SCAI: variants seen among roughly 807,000 people sequenced by gnomAD.
The protein encoded by SCAI is suppressor of cancer cell invasion.
Under a neutral mutation model 92.2 loss-of-function variants are expected in SCAI, and 24 were observed. The ratio of observed to expected loss-of-function variants is 0.26; its 90% CI spans 0.19 to 0.37. The LOEUF (loss-of-function observed/expected upper bound fraction) is 0.37, where lower values mean the gene tolerates loss of function less well. SCAI is among the 10% of genes least tolerant of loss of function. SCAI has a pLI of 1.00. For synonymous variants in SCAI, 261 were observed against 258.6 expected (o/e 1.01, Z -0.09); for missense variants, 450 against 736.2 (o/e 0.61, Z 4.50).
At chr9:125,118,792 C>T (rs183420186) in intron 2 of SCAI, among the ~76,000 whole-genome samples, 2 of 152,260 alleles carry the variant, frequency 1.3e-5, no homozygotes, top group Admixed American at 1.3e-4. Flanking sequence ...TGAGTGAGAA[C>T]ATGCAGTGTT....
At chr9:125,068,510 AACAACAAAAAAAT>A (rs1833915055) in intron 2 of SCAI, among the ~76,000 whole-genome samples, 1 of 151,388 alleles carries the variant, frequency 6.6e-6, no homozygotes, top group Non-Finnish European at 1.5e-5. Flanking sequence ...AAACAACAAC[AACAACAAAAAAAT>A]ACAACAAAAA....
chr9:124,999,525 A>G lies in SCAI; in HGVS notation c.1244+366T>C, dbSNP rs546363166. 2.6e-5 allele frequency among the ~76,000 whole-genome samples: 4 copies of G among 152,320 alleles called. 1 individual carries two copies. In the South Asian group the frequency reaches 8.3e-4, roughly 32 times the overall value. ...GAGTGACAGAGGAAGACTCCATCTCAAGAAAAAAATTTGTTTAAAAGTTCG... is the reference window on the plus strand; with the variant it reads ...GAGTGACAGAGGAAGACTCCATCTCGAGAAAAAAATTTGTTTAAAAGTTCG... On this transcript the variant is annotated intron_variant, in intron 13 of 17. Transcript: ENST00000336505.
chr9:125,137,443 T>C (rs1349458722), intron 2 of SCAI, among the ~76,000 whole-genome samples: 1 of 152,178 alleles, frequency 6.6e-6, no homozygotes, highest in Non-Finnish European at 1.5e-5. Context: ...GGATAAACAG[T>C]GAACAAAACA....
chr9:125,053,428 A>G (rs1329987144), intron 3 of SCAI, among the ~76,000 whole-genome samples: 3 of 152,228 alleles, frequency 2.0e-5, no homozygotes, highest in African/African-American at 7.2e-5. Flanking sequence ...AATGTCTATC[A>G]ACTGATGACT....
intron 2 of SCAI, among the ~76,000 whole-genome samples, chr9:125,135,551 G>A (rs1835503500): frequency 6.6e-6 from 1 of 152,198 alleles, no homozygotes; most frequent in Admixed American, 6.5e-5. Flanking sequence ...TATTCAGGAG[G>A]CAGAGGCACA....
rs1467392212 is a variant in SCAI, at chr9:125,008,167, CAG to C, written c.862-4599_862-4598del. 2.6e-5 allele frequency among the ~76,000 whole-genome samples: 4 copies of C among 151,570 alleles called. 1 individual carries two copies. The highest frequency in any genetic ancestry group is 4.2e-4 in the South Asian group (2 of 4,786). ...GCCCTTTATTTTTTTCTTTTTGAGA[CAG>C]AGTCTCACTCTGTCACCCAGGCTGG... On this transcript the variant is annotated intron_variant, in intron 9 of 17. Coordinates refer to ENST00000336505, the MANE Select transcript of SCAI (RefSeq NM_001144877.3).
chr9:124,995,005 C>T lies in SCAI; in HGVS notation c.1255G>A (p.Gly419Arg), dbSNP rs778213347. The part of the protein sequence containing the change: ...SHKEMHCLHP[G>R]DLYPFTRKPL... Reference sequence around the variant, plus strand: ...TTCCTGGTGAAAGGATAGAGATCCCCGGGATGAAGGCTGGGAAAACAACAA... The same window carrying T: ...TTCCTGGTGAAAGGATAGAGATCCCTGGGATGAAGGCTGGGAAAACAACAA... The change falls in exon 14 of 18, where the codon GGG becomes AGG. Residue 419 changes from glycine (G) to arginine (R), a missense_variant. Around this residue, in one of 3 missense-constraint regions of SCAI, gnomAD observed 360 missense variants for 601.8 expected, o/e 0.60. Coordinates refer to ENST00000336505, the MANE Select transcript of SCAI (RefSeq NM_001144877.3). 6.2e-6 allele frequency: 10 copies of T among 1,610,214 alleles called. No individual in the cohort carries two copies. The highest frequency in any genetic ancestry group is 2.7e-5 in the African/African-American group (2 of 74,854).
At chr9:125,143,331 C>G in intron 1 of SCAI, 54 bp downstream of exon 1, 1 of 1,130,572 alleles carries the variant, frequency 8.8e-7, no homozygotes, top group Non-Finnish European at 1.1e-6. Context: ...CCCCTGGGCC[C>G]GCTCCCTGGC....
At chr9:125,142,777 G>T in intron 1 of SCAI, 100 bp from the exon 2 acceptor site, 1 of 993,936 alleles carries the variant, frequency 1.0e-6, no homozygotes, top group Non-Finnish European at 1.6e-6. Context: ...CCACCCTCTG[G>T]GACCACAGGC....
rs923078112 is a variant in SCAI, at chr9:125,012,709, A to C, written c.861+6090T>G. Among the ~76,000 whole-genome samples, 11 of 152,312 alleles carry C rather than the reference A, an allele frequency of 7.2e-5. 1 individual carries two copies. The highest frequency in any genetic ancestry group is 2.6e-4 in the African/African-American group (11 of 41,558). ...AGACATCTACAGAACTCTCCACCCC[A>C]AATCAACTGAATATACATTTTTTTC... On this transcript the variant is annotated intron_variant, in intron 9 of 17. Transcript: ENST00000336505.
At chr9:124,997,885 A>T (rs1242899912) in intron 13 of SCAI, among the ~76,000 whole-genome samples, 2 of 151,788 alleles carry the variant, frequency 1.3e-5, no homozygotes, top group Non-Finnish European at 2.9e-5. Flanking sequence ...CAAAAAAAAA[A>T]AAAAAAGAAA....
intron 9 of SCAI, among the ~76,000 whole-genome samples, chr9:125,007,492 C>T (rs1257928703): frequency 6.6e-6 from 1 of 152,042 alleles, no homozygotes; most frequent in South Asian, 2.1e-4. Context: ...AGTTTGAGAC[C>T]AGCCTTGGCA....
intron 3 of SCAI, among the ~76,000 whole-genome samples, chr9:125,051,473 C>T (rs187023960): frequency 7.2e-5 from 11 of 152,184 alleles, no homozygotes; most frequent in South Asian, 2.1e-4. Flanking sequence ...TAGAAAGATA[C>T]GACTCTATAC....
At chr9:125,069,037 G>A (rs1464719812) in intron 2 of SCAI, among the ~76,000 whole-genome samples, 18 of 151,840 alleles carry the variant, frequency 1.2e-4, no homozygotes, top group Non-Finnish European at 1.5e-5. Context: ...TCAACATGGT[G>A]AAACTCCTGT....
At chr9:124,999,803 G>T (rs1022121949) in intron 13 of SCAI, 88 bp downstream of exon 13, 2 of 704,016 alleles carry the variant, frequency 2.8e-6, no homozygotes, top group East Asian at 6.2e-5. Context: ...TCTAGTACTA[G>T]AAAAAACTCC....
chr9:125,103,874 T>C (rs931490442), intron 2 of SCAI, among the ~76,000 whole-genome samples: 1 of 152,216 alleles, frequency 6.6e-6, no homozygotes, highest in African/African-American at 2.4e-5. Flanking sequence ...AGGAAGTTAG[T>C]GTTATATAAT....
intron 2 of SCAI, 192 bp downstream of exon 2, chr9:125,142,441 G>GA (rs951008338): frequency 6.5e-3 from 2,764 of 421,986 alleles, no homozygotes; most frequent in South Asian, 9.2e-3. Flanking sequence ...TAGATACCAA[G>GA]AAAAAAAAAA....
intron 2 of SCAI, among the ~76,000 whole-genome samples, chr9:125,121,517 T>A (rs966411212): frequency 2.0e-5 from 3 of 151,988 alleles, no homozygotes; most frequent in African/African-American, 7.3e-5. Context: ...TTTAATCTAG[T>A]GGTTTCCAAC....
At chr9:125,071,808 G>A (rs1447502927) in intron 2 of SCAI, among the ~76,000 whole-genome samples, 1 of 152,166 alleles carries the variant, frequency 6.6e-6, no homozygotes, top group Admixed American at 6.6e-5. Context: ...CAGAGTAAAT[G>A]TTGGCTCCGC....
Sources: allele counts gnomAD v4.1 joint callset (sites outside exome capture counted in the v4.1 genomes callset), GRCh38; gene constraint gnomAD v4.1.1; regional missense constraint gnomAD v4.1.1; transcripts MANE v1.5; gene names NCBI Gene and HGNC (gene_info 2026-07-23, HGNC 2026-07-21).